The following CHCHD3 variants were observed in gnomAD, a reference collection of about 807,000 sequenced individuals.
The protein encoded by CHCHD3 is MICOS complex subunit MIC19.
Under a neutral mutation model 38.2 loss-of-function variants are expected in CHCHD3, and 20 were observed. That is an observed-to-expected ratio of 0.52 (90% CI 0.37 to 0.76). CHCHD3 has a LOEUF of 0.76. Among genes scored for constraint, CHCHD3 ranks in the 30% least tolerant of loss-of-function variants. The pLI is 0.00. For synonymous variants in CHCHD3, 82 were observed against 100.0 expected, an observed-to-expected ratio of 0.82 and a Z score of 1.07; for missense variants, 245 against 279.2, an observed-to-expected ratio of 0.88 and a Z score of 0.87.
intron 3 of CHCHD3, among the ~76,000 whole-genome samples, chr7:133,009,012 G>A (rs555512559): frequency 6.6e-6 from 1 of 151,014 alleles, no homozygotes; most frequent in South Asian, 2.1e-4. Context: ...AGAACACAAA[G>A]GTAGTCAGTG....
intron 3 of CHCHD3, among the ~76,000 whole-genome samples, chr7:132,982,735 A>T (rs910817647): frequency 3.3e-5 from 5 of 152,216 alleles, no homozygotes; most frequent in Non-Finnish European, 5.9e-5. Context: ...TTCGGATGAA[A>T]AGCTGAGGCA....
intron 4 of CHCHD3, among the ~76,000 whole-genome samples, chr7:132,894,510 T>C (rs1175853062): frequency 6.6e-6 from 1 of 152,234 alleles, no homozygotes; most frequent in Non-Finnish European, 1.5e-5. Context: ...CCTTTCAATA[T>C]GTTTCCTATG....
intron 4 of CHCHD3, among the ~76,000 whole-genome samples, chr7:132,929,117 C>T (rs1038151632): frequency 6.6e-6 from 1 of 152,182 alleles, no homozygotes; most frequent in African/African-American, 2.4e-5. Flanking sequence ...AGAATAATAA[C>T]TATCCTGGCT....
intron 4 of CHCHD3, among the ~76,000 whole-genome samples, chr7:132,888,157 A>C (rs1809263308): frequency 1.3e-5 from 2 of 151,948 alleles, no homozygotes; most frequent in South Asian, 4.1e-4. Flanking sequence ...AAAAAACAAA[A>C]ATAAAAAAAC....
intron 2 of CHCHD3, among the ~76,000 whole-genome samples, chr7:133,027,771 T>C (rs1487276145): frequency 6.6e-6 from 1 of 152,188 alleles, no homozygotes; most frequent in Non-Finnish European, 1.5e-5. Context: ...TCTGTTTGCA[T>C]TCAGGCAAGT....
intron 4 of CHCHD3, among the ~76,000 whole-genome samples, chr7:132,954,247 G>T (rs1200708415): frequency 6.6e-6 from 1 of 152,104 alleles, no homozygotes; most frequent in East Asian, 1.9e-4. Flanking sequence ...TCCATCTTGT[G>T]TCCCTATCTC....
At chr7:133,042,739 C>T (rs1156828225) in intron 2 of CHCHD3, among the ~76,000 whole-genome samples, 1 of 152,102 alleles carries the variant, frequency 6.6e-6, no homozygotes, top group Non-Finnish European at 1.5e-5. Flanking sequence ...CTTAAGAAAC[C>T]TTTGGTAATA....
chr7:133,042,351 C>T (rs538772583), intron 2 of CHCHD3, among the ~76,000 whole-genome samples: 1 of 152,320 alleles, frequency 6.6e-6, no homozygotes, highest in East Asian at 1.9e-4. Flanking sequence ...CCTTTGAATA[C>T]TCACAAAGAC....
At chr7:132,818,040 C>G (rs548047259) in intron 6 of CHCHD3, among the ~76,000 whole-genome samples, 1 of 152,322 alleles carries the variant, frequency 6.6e-6, no homozygotes, top group East Asian at 1.9e-4. Context: ...CCCAGCCAAA[C>G]TATGGAAAGT....
At chr7:133,019,466 T>C (rs1177435043) in intron 3 of CHCHD3, among the ~76,000 whole-genome samples, 1 of 152,154 alleles carries the variant, frequency 6.6e-6, no homozygotes, top group African/African-American at 2.4e-5. Flanking sequence ...ATGCTATCAA[T>C]GGAAAAATAA....
intron 2 of CHCHD3, among the ~76,000 whole-genome samples, chr7:133,064,104 G>A (rs545006663): frequency 1.3e-3 from 203 of 152,238 alleles, no homozygotes; most frequent in South Asian, 8.5e-3. Context: ...CAGAGGAGGC[G>A]ACTAAACTAG....
At chr7:133,031,827 G>A (rs1813512944) in intron 2 of CHCHD3, among the ~76,000 whole-genome samples, 2 of 152,028 alleles carry the variant, frequency 1.3e-5, no homozygotes, top group African/African-American at 4.8e-5. Context: ...GATTCTCCCA[G>A]GATTGAGATA....
At chr7:132,821,093 T>C (rs560021216) in intron 6 of CHCHD3, among the ~76,000 whole-genome samples, 2 of 152,328 alleles carry the variant, frequency 1.3e-5, no homozygotes, top group African/African-American at 4.8e-5. Context: ...GTATACTCAA[T>C]TGTAATTTTA....
chr7:132,943,529 G>A (rs993631324), intron 4 of CHCHD3, among the ~76,000 whole-genome samples: 2 of 151,964 alleles, frequency 1.3e-5, no homozygotes, highest in African/African-American at 4.8e-5. Context: ...GAAAAAGCTG[G>A]TGAGATACCA....
At chr7:133,058,904 T>G (rs1814417655) in intron 2 of CHCHD3, among the ~76,000 whole-genome samples, 2 of 152,214 alleles carry the variant, frequency 1.3e-5, no homozygotes. Flanking sequence ...CTCAGATGCT[T>G]CTGTGTGTTT....
At chr7:132,806,230 T>G (rs1398053920) in intron 6 of CHCHD3, among the ~76,000 whole-genome samples, 1 of 151,998 alleles carries the variant, frequency 6.6e-6, no homozygotes. Context: ...GGCCAAGGAA[T>G]GTGCTCCATA....
rs891997330 is a variant in CHCHD3 at position 132,838,635 on chromosome 7, T to G, written c.454-166A>C. ...ACTTATAAAACACATGTAAAGCTAC[T>G]CGTTTAAATAACAGTAGAGTTGTTG... On this transcript the variant is annotated intron_variant, in intron 5 of 7. Coordinates refer to ENST00000262570, the MANE Select transcript of CHCHD3 (RefSeq NM_017812.4). Among the ~76,000 whole-genome samples, 3 of 152,354 alleles carry G rather than the reference T, an allele frequency of 2.0e-5. No homozygotes were observed. The South Asian group carries it at 6.2e-4, about 32-fold the overall frequency.
At chr7:133,068,643 C>T (rs745800290) in intron 2 of CHCHD3, among the ~76,000 whole-genome samples, 15 of 152,074 alleles carry the variant, frequency 9.9e-5, no homozygotes, top group Admixed American at 3.3e-4. Context: ...CCACAGAAGA[C>T]GACAGTTATC....
chr7:132,818,120 C>T (rs1424981809), intron 6 of CHCHD3, among the ~76,000 whole-genome samples: 1 of 152,178 alleles, frequency 6.6e-6, no homozygotes, highest in African/African-American at 2.4e-5. Context: ...CACCGAATAA[C>T]GCTGCTGCCA....
Sources: gnomAD v4.1 joint callset for allele counts (sites outside exome capture counted in the v4.1 genomes callset) on GRCh38, gnomAD v4.1.1 for gene constraint, MANE v1.5 for transcripts, NCBI Gene and HGNC (gene_info 2026-07-23, HGNC 2026-07-21) for gene names.